Variants in TNKS observed in about 807,000 individuals in gnomAD.
TNKS encodes the protein tankyrase.
In TNKS, 72 loss-of-function variants were observed where a neutral mutation model predicts 135.8. That is an observed-to-expected ratio of 0.53 (90% CI 0.44 to 0.64). TNKS has a LOEUF of 0.64. TNKS is among the 30% of genes least tolerant of loss of function. TNKS has a pLI of 0.00. For synonymous variants in TNKS, 849 were observed against 649.3 expected (o/e 1.31, Z -4.68); for missense variants, 1,769 against 1,674.0 (o/e 1.06, Z -0.99).
At position 9,580,142 on chromosome 8, in the gene TNKS, T is replaced by G. The variant is rs1296773895; in HGVS notation, c.674-17T>G. The G allele has an allele frequency of 6.2e-7, 1 of 1,607,914 alleles. No homozygotes were observed. The highest frequency in any genetic ancestry group is 8.5e-7 in the Non-Finnish European group (1 of 1,174,642). On this transcript the variant is annotated splice_polypyrimidine_tract_variant and intron_variant, in intron 1 of 26. Transcript: ENST00000310430. ...AAATCAAATATATATACAAGACATT[T>G]TTTCGTTTCTTTTTAGGTTTTGGAA...
At chr8:9,764,337 A>AT (rs1180861407) in intron 22 of TNKS, among the ~76,000 whole-genome samples, 1 of 152,060 alleles carries the variant, frequency 6.6e-6, no homozygotes, top group Non-Finnish European at 1.5e-5. Flanking sequence ...CAGAACAAAT[A>AT]TTTTTTAAAA....
intron 2 of TNKS, among the ~76,000 whole-genome samples, chr8:9,587,537 C>T (rs994154910): frequency 1.3e-5 from 2 of 151,972 alleles, no homozygotes; most frequent in Non-Finnish European, 2.9e-5. Flanking sequence ...GTAGCTGGGA[C>T]TGCAGGCTCT....
At chr8:9,632,082 A>G (rs1400850234) in intron 3 of TNKS, among the ~76,000 whole-genome samples, 1 of 152,228 alleles carries the variant, frequency 6.6e-6, no homozygotes, top group Non-Finnish European at 1.5e-5. Flanking sequence ...GCTGAAACTT[A>G]TAATTAGACC....
intron 3 of TNKS, among the ~76,000 whole-genome samples, chr8:9,652,248 G>A (rs1801173962): frequency 6.6e-6 from 1 of 152,166 alleles, no homozygotes; most frequent in Non-Finnish European, 1.5e-5. Context: ...TCTGTAATGA[G>A]GAAGTGGATA....
At chr8:9,578,893 C>A (rs567315345) in intron 1 of TNKS, among the ~76,000 whole-genome samples, 1 of 152,104 alleles carries the variant, frequency 6.6e-6, no homozygotes, top group Non-Finnish European at 1.5e-5. Context: ...CCTTTTATAA[C>A]CCATTGCAAT....
chr8:9,741,333 A>C (rs1487314254), intron 17 of TNKS, among the ~76,000 whole-genome samples: 2 of 152,144 alleles, frequency 1.3e-5, no homozygotes, highest in Non-Finnish European at 2.9e-5. Flanking sequence ...GATGGTGGCC[A>C]TAGAATTATA....
At chr8:9,769,721 G>A (rs1022958214) in intron 25 of TNKS, among the ~76,000 whole-genome samples, 10 of 147,506 alleles carry the variant, frequency 6.8e-5, no homozygotes, top group African/African-American at 2.5e-4. Flanking sequence ...CCGTGTTCGT[G>A]CCATTCTCCT....
chr8:9,600,959 A>G (rs951155509), intron 2 of TNKS, among the ~76,000 whole-genome samples: 24 of 152,320 alleles, frequency 1.6e-4, no homozygotes, highest in African/African-American at 5.3e-4. Context: ...AATGTTAGTC[A>G]TTTGATAGGA....
intron 1 of TNKS, among the ~76,000 whole-genome samples, chr8:9,566,842 T>C (rs887186625): frequency 2.6e-5 from 4 of 151,430 alleles, no homozygotes; most frequent in Non-Finnish European, 4.4e-5. Flanking sequence ...TCTCCTGCCC[T>C]CATGATCCAC....
intron 20 of TNKS, among the ~76,000 whole-genome samples, chr8:9,760,749 T>G (rs1807109014): frequency 6.6e-6 from 1 of 152,154 alleles, no homozygotes. Flanking sequence ...TAGGTTATTT[T>G]GAGCCAACTA....
chr8:9,652,156 T>C (rs1210259199), intron 3 of TNKS, among the ~76,000 whole-genome samples: 6 of 152,242 alleles, frequency 3.9e-5, no homozygotes, highest in African/African-American at 1.4e-4. Context: ...GGTCACCAGC[T>C]AGAATATTAA....
intron 1 of TNKS, chr8:9,566,558 G>A (rs958463394): frequency 1.4e-5 from 2 of 140,740 alleles, no homozygotes; most frequent in South Asian, 2.4e-4. Context: ...ACATTCTTAA[G>A]TACATAAATA....
chr8:9,616,396 G>A (rs1002794768), intron 3 of TNKS, among the ~76,000 whole-genome samples: 1 of 152,156 alleles, frequency 6.6e-6, no homozygotes, highest in African/African-American at 2.4e-5. Context: ...CTTAGCATCT[G>A]AGTCCTGCTG....
At chr8:9,761,397 G>C (rs1807140950) in intron 20 of TNKS, 119 bp from the exon 21 acceptor site, 1 of 1,062,228 alleles carries the variant, frequency 9.4e-7, no homozygotes, top group African/African-American at 1.6e-5. Context: ...TGTTTATAAA[G>C]GGAACAAAAG....
intron 2 of TNKS, among the ~76,000 whole-genome samples, chr8:9,593,917 C>T (rs1380761702): frequency 6.6e-6 from 1 of 151,786 alleles, no homozygotes; most frequent in Non-Finnish European, 1.5e-5. Flanking sequence ...GACGGAGTCT[C>T]ACTCTGTCAC....
chr8:9,723,803 G>T (rs193041838), intron 12 of TNKS, among the ~76,000 whole-genome samples: 1 of 152,166 alleles, frequency 6.6e-6, no homozygotes, highest in South Asian at 2.1e-4. Flanking sequence ...TAGCACCACA[G>T]ACAGTTCTTT....
In TNKS at chr8:9,585,568, A is replaced by T. The variant is rs927594790; in HGVS notation, c.898+5185A>T. ...TTAGGCAAAGGACTTTTCATTTACAATATTGACAGCTTGAAGACAATGGAA... is the reference window on the plus strand; with the variant it reads ...TTAGGCAAAGGACTTTTCATTTACATTATTGACAGCTTGAAGACAATGGAA... On this transcript the variant is annotated intron_variant, in intron 2 of 26. Transcript: ENST00000310430. Among the ~76,000 whole-genome samples, 2 of 152,340 alleles carry T rather than the reference A, an allele frequency of 1.3e-5. 1 individual carries two copies. The highest frequency in any genetic ancestry group is 4.1e-4 in the South Asian group (2 of 4,826).
chr8:9,734,838 AC>A (rs775669944), intron 15 of TNKS, 26 bp from the exon 16 acceptor site: 5 of 1,590,370 alleles, frequency 3.1e-6, no homozygotes, highest in Non-Finnish European at 4.3e-6. Context: ...GAAAATACAA[AC>A]CCCATTTGGT....
intron 17 of TNKS, among the ~76,000 whole-genome samples, chr8:9,735,722 C>T (rs913001170): frequency 6.6e-6 from 1 of 152,004 alleles, no homozygotes; most frequent in Non-Finnish European, 1.5e-5. Flanking sequence ...ATGGCATGAA[C>T]CCGGGAGGCG....
Sources: gnomAD v4.1 joint callset for allele counts (sites outside exome capture counted in the v4.1 genomes callset) on GRCh38, gnomAD v4.1.1 for gene constraint, MANE v1.5 for transcripts, NCBI Gene and HGNC (gene_info 2026-07-23, HGNC 2026-07-21) for gene names.